EGF: variants seen among roughly 807,000 people sequenced by gnomAD.
EGF encodes pro-epidermal growth factor.
EGF carries 95 observed loss-of-function variants against 143.8 expected under a neutral mutation model. The ratio of observed to expected loss-of-function variants is 0.66; its 90% CI spans 0.56 to 0.78. The LOEUF is 0.78. Among genes scored for constraint, EGF ranks in the 30% least tolerant of loss-of-function variants. The pLI is 0.00. For synonymous variants in EGF, 510 were observed against 510.5 expected (o/e 1.00, Z 0.01); for missense variants, 1,320 against 1,470.9 (o/e 0.90, Z 1.68).
intron 1 of EGF, among the ~76,000 whole-genome samples, chr4:109,920,929 G>A (rs868051397): frequency 1.3e-5 from 2 of 151,610 alleles, no homozygotes; most frequent in Non-Finnish European, 2.9e-5. Flanking sequence ...TGTGCACACG[G>A]CCATCCCAGG....
chr4:110,000,472 A>G (rs1437077146), intron 21 of EGF, among the ~76,000 whole-genome samples: 1 of 152,190 alleles, frequency 6.6e-6, no homozygotes, highest in Non-Finnish European at 1.5e-5. Flanking sequence ...CTGCATAACT[A>G]TAATTTTTCA....
chr4:109,940,539 T>A (rs772045167), intron 1 of EGF, among the ~76,000 whole-genome samples: 1 of 152,108 alleles, frequency 6.6e-6, no homozygotes, highest in South Asian at 2.1e-4. Flanking sequence ...ACCCAAGGAG[T>A]CCATTTCCAA....
intron 1 of EGF, among the ~76,000 whole-genome samples, chr4:109,925,364 T>C (rs1203676971): frequency 6.6e-6 from 1 of 152,262 alleles, no homozygotes; most frequent in Non-Finnish European, 1.5e-5. Flanking sequence ...TCACAGCGTA[T>C]GGTTGTTTTC....
At chr4:109,927,139 T>C (rs2125958332) in intron 1 of EGF, among the ~76,000 whole-genome samples, 1 of 152,332 alleles carries the variant, frequency 6.6e-6, no homozygotes, top group East Asian at 1.9e-4. Flanking sequence ...TTCAACAAAA[T>C]TTGTGAATAA....
In EGF at chr4:109,943,931, A is replaced by C; in HGVS notation, c.599A>C (p.Glu200Ala). The change falls in exon 4 of 24, where the codon GAG (glutamate) becomes GCG (alanine). Residue 200 changes from glutamate to alanine, a missense_variant. This residue lies in a region of EGF where 1,186 missense variants were observed against 1,313.7 expected (regional missense o/e 0.90). Coordinates refer to ENST00000265171, the MANE Select transcript of EGF (RefSeq NM_001963.6). ...VGVKALLETSEKITAVSLDVL... is the reference protein window; with the variant it reads ...VGVKALLETSAKITAVSLDVL... ...GTGAAGGCTCTGTTGGAGACATCAG[A>C]GAAAATAACAGCTGTGTCATTGGAT... The C allele has an allele frequency of 6.2e-7, 1 of 1,614,210 alleles. No individual in the cohort carries two copies. The highest frequency in any genetic ancestry group is 1.1e-5 in the South Asian group (1 of 91,074).
intron 11 of EGF, among the ~76,000 whole-genome samples, chr4:109,971,958 G>A (rs1012446087): frequency 6.6e-6 from 1 of 152,048 alleles, no homozygotes; most frequent in African/African-American, 2.4e-5. Context: ...GATTCCTAAA[G>A]TCAATTGCCT....
Position 109,971,448 on chromosome 4 carries a change from C to CG in EGF, c.1724+2332dup, listed in dbSNP as rs1306802747. 4.6e-5 allele frequency among the ~76,000 whole-genome samples: 7 copies of CG among 152,250 alleles called. No individual in the cohort carries two copies. The East Asian group carries it at 9.7e-4, about 21-fold the overall frequency. ...CAAAATGGCAGATGTCAACCACTCT[C>CG]GGGTCCACTAAGGATGCCAAGTCTT... On this transcript the variant is annotated intron_variant, in intron 11 of 23. Transcript: ENST00000265171.
At chr4:109,940,582 A>G (rs1741750078) in intron 1 of EGF, among the ~76,000 whole-genome samples, 1 of 152,208 alleles carries the variant, frequency 6.6e-6, no homozygotes, top group Non-Finnish European at 1.5e-5. Flanking sequence ...GTTCTAATTT[A>G]CATAATTAAA....
At chr4:109,932,381 T>A (rs1436874164) in intron 1 of EGF, among the ~76,000 whole-genome samples, 16 of 68,522 alleles carry the variant, frequency 2.3e-4, no homozygotes, top group Middle Eastern at 8.9e-3. Flanking sequence ...ATATATAAAT[T>A]TTTTTTTTTT....
chr4:109,920,455 G>C (rs1737569577), intron 1 of EGF, among the ~76,000 whole-genome samples: 1 of 151,560 alleles, frequency 6.6e-6, no homozygotes, highest in Non-Finnish European at 1.5e-5. Flanking sequence ...GGAGAACAGG[G>C]GAGAGCACTT....
chr4:109,913,238 A>G lies in EGF; in HGVS notation c.-98A>G, dbSNP rs1253403859. 6.6e-7 allele frequency: 1 copy of G among 1,513,376 alleles called. No homozygotes were observed. Among genetic ancestry groups the G allele is most frequent in the Non-Finnish European group, 9.1e-7 (1 of 1,096,212 alleles). 93.7% of individuals were successfully genotyped at this position (1,513,376 alleles called of 1,614,324 possible). ...TGCCCCAGGGCTGAGGCCTCCGCTC[A>G]GGCAGCCGCATCTGGGGTCAATCAT... is the stretch of plus-strand genomic sequence containing the variant. On this transcript the variant is annotated 5_prime_UTR_variant, in exon 1 of 24. Transcript: ENST00000265171.
chr4:109,917,539 A>T lies in EGF; in HGVS notation c.127+4077A>T, dbSNP rs571203590. On this transcript the variant is annotated intron_variant, in intron 1 of 23. Coordinates refer to ENST00000265171, the MANE Select transcript of EGF (RefSeq NM_001963.6). ...ATTTTTACTTTACATTCAGGTGTAC[A>T]TGTGGAGGTTTGTTACAAGGGGATA... Among the ~76,000 whole-genome samples the T allele has an allele frequency of 4.0e-5, 6 of 151,642 alleles. No individual in the cohort carries two copies. In the South Asian group the frequency reaches 1.3e-3, roughly 32 times the overall value.
Position 109,940,979 on chromosome 4 carries a change from A to G in EGF, c.161A>G (p.Asn54Ser). Residue 54 changes from asparagine to serine, a missense_variant, in exon 2 of 24, where the codon AAT (asparagine) becomes AGT (serine). By Grantham distance (46) the Asn-to-Ser change is conservative. Around this residue, in one of 5 missense-constraint regions of EGF, gnomAD observed 79 missense variants for 71.2 expected, o/e 1.11. Coordinates refer to ENST00000265171, the MANE Select transcript of EGF (RefSeq NM_001963.6). ...CCCTTCTTAATTTTCTCCCATGGAAATAGTATCTTTAGGATTGACACAGAA... is the reference window on the plus strand; with the variant it reads ...CCCTTCTTAATTTTCTCCCATGGAAGTAGTATCTTTAGGATTGACACAGAA... ...PAPFLIFSHG[N>S]SIFRIDTEGT... The G allele has an allele frequency of 1.2e-6, 2 of 1,614,104 alleles. No individual in the cohort carries two copies. The highest frequency in any genetic ancestry group is 1.7e-5 in the Admixed American group (1 of 60,030).
At chr4:109,996,858 G>A (rs1751861979) in intron 20 of EGF, among the ~76,000 whole-genome samples, 2 of 152,130 alleles carry the variant, frequency 1.3e-5, no homozygotes, top group Admixed American at 1.3e-4. Context: ...GGAGGTCCTC[G>A]TTCATTCTGT....
In EGF at chr4:109,999,772, C is replaced by T. The variant is rs144628857; in HGVS notation, c.3099C>T (p.Val1033=). The T allele has an allele frequency of 1.6e-4, 265 of 1,613,942 alleles. 2 individuals are homozygous for T. The highest frequency in any genetic ancestry group is 2.2e-4 in the Non-Finnish European group (262 of 1,180,032). The change falls in exon 21 of 24, where the codon GTC becomes GTT. Residue 1033 remains valine (V), a synonymous_variant. Transcript: ENST00000265171. ...RHAGHGQQQK[V]IVVAVCVVVL... ...CTGGCCACGGGCAGCAGCAGAAGGT[C>T]ATCGTGGTGGCTGTCTGCGTGGTGG...
intron 1 of EGF, among the ~76,000 whole-genome samples, chr4:109,934,887 T>C (rs1454004508): frequency 6.6e-6 from 1 of 152,188 alleles, no homozygotes; most frequent in East Asian, 1.9e-4. Context: ...TGTGGTGTTA[T>C]TTCTGAGGCC....
chr4:109,913,340 T>C lies in EGF; in HGVS notation c.5T>C (p.Leu2Pro), dbSNP rs750058037. 2 of 1,613,888 alleles carry C rather than the reference T, an allele frequency of 1.2e-6. No individual in the cohort carries two copies. Among genetic ancestry groups the C allele is most frequent in the South Asian group, 2.2e-5 (2 of 91,066 alleles). ...AAGTTCAAACTCATCAAGATTATGC[T>C]GCTCACTCTTATCATTCTGTTGCCA... M[L>P]LTLIILLPVV... Residue 2 changes from leucine to proline, a missense_variant, in exon 1 of 24, where the codon CTG (leucine) becomes CCG (proline). By Grantham distance (98) the Leu-to-Pro change is moderately conservative. Transcript: ENST00000265171.
At chr4:109,920,472 G>A (rs1020136169) in intron 1 of EGF, among the ~76,000 whole-genome samples, 1 of 151,570 alleles carries the variant, frequency 6.6e-6, no homozygotes, top group Non-Finnish European at 1.5e-5. Flanking sequence ...ACTTGATGGG[G>A]CGAGGAGAAG....
intron 17 of EGF, 27 bp downstream of exon 17, chr4:109,987,887 T>C: frequency 6.5e-7 from 1 of 1,548,116 alleles, no homozygotes; most frequent in South Asian, 1.1e-5. Context: ...AATTCACATA[T>C]TTGGACAATA....
Sources: allele counts gnomAD v4.1 joint callset (sites outside exome capture counted in the v4.1 genomes callset), GRCh38; gene constraint gnomAD v4.1.1; regional missense constraint gnomAD v4.1.1; transcripts MANE v1.5; gene names NCBI Gene and HGNC (gene_info 2026-07-23, HGNC 2026-07-21).